The following MAP6 variants were observed in gnomAD, a reference collection of about 807,000 sequenced individuals.
MAP6 encodes microtubule associated protein 6.
In MAP6, 26 loss-of-function variants were observed where a neutral mutation model predicts 42.4. The observed-to-expected ratio is 0.61, with a 90% CI of 0.45 to 0.85. MAP6 has a LOEUF of 0.85. Among genes scored for constraint, MAP6 ranks in the 40% least tolerant of loss-of-function variants. MAP6 has a pLI of 0.00. For missense variants in MAP6, 966 were observed against 1,099.0 expected (o/e 0.88, Z 1.71); for synonymous variants, 418 against 443.8 (o/e 0.94, Z 0.73).
chr11:75,588,182 C>A lies in MAP6; in HGVS notation c.1319G>T (p.Ser440Ile). The change falls in exon 4 of 4, where the codon AGC becomes ATC. Residue 440 changes from serine to isoleucine, a missense_variant and splice_region_variant. Physicochemically the swap from Ser to Ile is moderately radical, Grantham distance 142. Transcript: ENST00000304771. Reference sequence around the variant, plus strand: ...TGAATCACTGACGGGTTGAGCCAGGCTCCTGCAAAGGAGAGAGAGGTGATC... The same window carrying A: ...TGAATCACTGACGGGTTGAGCCAGGATCCTGCAAAGGAGAGAGAGGTGATC... ...MNNKLAEAKE[S>I]LAQPVSDSSK... 1 of 1,610,398 alleles carries A rather than the reference C, an allele frequency of 6.2e-7. No individual in the cohort carries two copies. Among genetic ancestry groups the A allele is most frequent in the Non-Finnish European group, 8.5e-7 (1 of 1,178,832 alleles).
In MAP6 at chr11:75,661,178, G is replaced by C. The variant is rs149914380; in HGVS notation, c.905+6287C>G. Among the ~76,000 whole-genome samples the C allele has an allele frequency of 3.9e-3, 588 of 152,042 alleles. 4 individuals are homozygous for C. The highest frequency in any genetic ancestry group is 0.013 in the African/African-American group (532 of 41,508). On this transcript the variant is annotated intron_variant, in intron 1 of 3. Transcript: ENST00000304771. ...AAGAAGAAATATAACACCTGAATAA[G>C]TGAATCAGTATTAAAGACATCAAAT...
chr11:75,599,147 C>G (rs1413610302), intron 3 of MAP6: 4 of 152,154 alleles, frequency 2.6e-5, no homozygotes, highest in Non-Finnish European at 5.9e-5. Context: ...AAACCAGTAG[C>G]AAGCAGTGGC....
chr11:75,651,129 T>C (rs909961634), intron 1 of MAP6, among the ~76,000 whole-genome samples: 2 of 152,142 alleles, frequency 1.3e-5, no homozygotes, highest in Non-Finnish European at 2.9e-5. Context: ...GGGATATGAC[T>C]TCATAGTCAT....
rs762016915 is a variant in MAP6 at position 75,587,219 on chromosome 11, T to A, written c.2282A>T (p.Asp761Val). Reference protein sequence around the residue: ...PIVPVPLKDQDPLVPVPAKDQ... With the variant: ...PIVPVPLKDQVPLVPVPAKDQ... ...CTTTGCTGGTACTGGCACCAGAGGATCTTGATCCTTCAGAGGCACTGGGAC... is the reference window on the plus strand; with the variant it reads ...CTTTGCTGGTACTGGCACCAGAGGAACTTGATCCTTCAGAGGCACTGGGAC... The change falls in exon 4 of 4, where the codon GAT (aspartate) becomes GTT (valine). Residue 761 changes from aspartate to valine, a missense_variant. Transcript: ENST00000304771. The A allele has an allele frequency of 1.2e-6, 2 of 1,613,908 alleles. No homozygotes were observed. Among genetic ancestry groups the A allele is most frequent in the African/African-American group, 2.7e-5 (2 of 74,854 alleles).
intron 3 of MAP6, chr11:75,605,604 G>C: frequency 7.3e-7 from 1 of 1,367,988 alleles, no homozygotes; most frequent in Non-Finnish European, 9.4e-7. Flanking sequence ...CTGCCCTCAG[G>C]AGGAGGCCTG....
chr11:75,635,059 AC>A (rs901213998), intron 1 of MAP6, among the ~76,000 whole-genome samples: 1 of 152,204 alleles, frequency 6.6e-6, no homozygotes, highest in African/African-American at 2.4e-5. Context: ...AAGTCGGTGA[AC>A]CGAAAGTTTA....
At chr11:75,632,405 T>G (rs950600962) in intron 1 of MAP6, among the ~76,000 whole-genome samples, 1 of 152,300 alleles carries the variant, frequency 6.6e-6, no homozygotes. Context: ...TCAATGTCTG[T>G]ATAAGGTCTC....
intron 1 of MAP6, among the ~76,000 whole-genome samples, chr11:75,631,391 T>G (rs941281265): frequency 6.6e-6 from 1 of 152,230 alleles, no homozygotes; most frequent in African/African-American, 2.4e-5. Flanking sequence ...TCTACCTTGC[T>G]GTGGTGGTGT....
intron 1 of MAP6, among the ~76,000 whole-genome samples, chr11:75,656,495 T>C (rs1278138777): frequency 1.3e-5 from 2 of 152,092 alleles, no homozygotes; most frequent in African/African-American, 4.8e-5. Context: ...GCACCAGAGG[T>C]TGGAGGTTGA....
At chr11:75,655,014 T>C (rs1943719160) in intron 1 of MAP6, among the ~76,000 whole-genome samples, 1 of 152,130 alleles carries the variant, frequency 6.6e-6, no homozygotes, top group Non-Finnish European at 1.5e-5. Context: ...CAATTTTTAC[T>C]CTCACCAGGG....
At chr11:75,622,967 A>G (rs1943134337) in intron 1 of MAP6, among the ~76,000 whole-genome samples, 1 of 152,228 alleles carries the variant, frequency 6.6e-6, no homozygotes, top group South Asian at 2.1e-4. Context: ...AAATTGGCTA[A>G]CACTGTAAAT....
chr11:75,587,006 G>C lies in MAP6; in HGVS notation c.*53C>G. On this transcript the variant is annotated 3_prime_UTR_variant, in exon 4 of 4. Coordinates refer to ENST00000304771, the MANE Select transcript of MAP6 (RefSeq NM_033063.2). Reference sequence around the variant, plus strand: ...AAATATGTGTCTTCACTGCCCCTGGGAGGGGAGCACTCTCACTGTCAGCTC... The same window carrying C: ...AAATATGTGTCTTCACTGCCCCTGGCAGGGGAGCACTCTCACTGTCAGCTC... 3 of 1,488,738 alleles carry C rather than the reference G, an allele frequency of 2.0e-6. No homozygotes were observed. The highest frequency in any genetic ancestry group is 2.7e-6 in the Non-Finnish European group (3 of 1,106,574). The allele number at this position is 1,488,738 out of a possible 1,614,324, so 92.2% of individuals were successfully genotyped here.
intron 1 of MAP6, among the ~76,000 whole-genome samples, chr11:75,618,468 A>G (rs903536771): frequency 6.6e-6 from 1 of 151,904 alleles, no homozygotes; most frequent in African/African-American, 2.4e-5. Context: ...TTAGCCAGGC[A>G]TGGTGGTGGG....
chr11:75,656,227 G>C (rs1460500058), intron 1 of MAP6, among the ~76,000 whole-genome samples: 2 of 152,180 alleles, frequency 1.3e-5, no homozygotes, highest in African/African-American at 4.8e-5. Flanking sequence ...ACCACAAGGG[G>C]ACAGCTCAGT....
intron 1 of MAP6, among the ~76,000 whole-genome samples, chr11:75,655,475 G>T (rs946231728): frequency 1.3e-5 from 2 of 152,330 alleles, no homozygotes; most frequent in Admixed American, 6.5e-5. Flanking sequence ...GAATACCCAA[G>T]AAAAGGCATC....
At chr11:75,633,213 C>T (rs780388965) in intron 1 of MAP6, among the ~76,000 whole-genome samples, 23 of 152,106 alleles carry the variant, frequency 1.5e-4, no homozygotes, top group Non-Finnish European at 3.4e-4. Context: ...TGGGTTTGCT[C>T]ATAAATCCCA....
At chr11:75,617,102 T>C (rs1051788686) in intron 1 of MAP6, among the ~76,000 whole-genome samples, 1 of 152,190 alleles carries the variant, frequency 6.6e-6, no homozygotes, top group African/African-American at 2.4e-5. Context: ...TATCTAAGTC[T>C]AGTTATGGGT....
chr11:75,604,340 C>T, intron 3 of MAP6: 3 of 985,622 alleles, frequency 3.0e-6, no homozygotes, highest in Middle Eastern at 5.2e-4. Flanking sequence ...GGAGGCTCCA[C>T]TTCCTCCAAA....
chr11:75,650,037 T>C (rs934161556), intron 1 of MAP6, among the ~76,000 whole-genome samples: 1 of 152,178 alleles, frequency 6.6e-6, no homozygotes, highest in Non-Finnish European at 1.5e-5. Flanking sequence ...TCTTTGGCCA[T>C]GAGCTCCCTC....
Sources: gnomAD v4.1 joint callset for allele counts (sites outside exome capture counted in the v4.1 genomes callset) on GRCh38, gnomAD v4.1.1 for gene constraint, MANE v1.5 for transcripts, NCBI Gene and HGNC (gene_info 2026-07-23, HGNC 2026-07-21) for gene names.